Variants in TSC2 observed in about 807,000 individuals in gnomAD.
The protein encoded by TSC2 is tuberin.
A neutral mutation model predicts 202.2 loss-of-function variants in TSC2; 29 were observed. The ratio of observed to expected loss-of-function variants is 0.14; its 90% CI spans 0.11 to 0.20. The LOEUF is 0.20. TSC2 is among the 10% of genes least tolerant of loss of function. TSC2 has a pLI of 1.00. For missense variants in TSC2, 2,429 were observed against 2,420.0 expected (o/e 1.00, Z -0.08); for synonymous variants, 1,349 against 1,044.0 (o/e 1.29, Z -5.63).
chr16:2,049,164 C>T (rs573023882), intron 2 of TSC2, among the ~76,000 whole-genome samples: 147 of 152,208 alleles, frequency 9.7e-4, no homozygotes, highest in African/African-American at 3.5e-3. Context: ...CTGCTCGCTG[C>T]TACCTCTGCC....
In TSC2 at chr16:2,072,832, C is replaced by T; in HGVS notation, c.2221-17C>T. 6.2e-7 allele frequency: 1 copy of T among 1,613,462 alleles called. No homozygotes were observed. The highest frequency in any genetic ancestry group is 8.5e-7 in the Non-Finnish European group (1 of 1,180,030). ...TGGCCGCTGGGGAGAGGTTTCATGC[C>T]TGGATTTGGTCATCAGCTTTCAGGC... On this transcript the variant is annotated splice_polypyrimidine_tract_variant and intron_variant, in intron 20 of 41. Transcript: ENST00000219476.
At chr16:2,069,874 A>C (rs2087993187) in intron 16 of TSC2, among the ~76,000 whole-genome samples, 1 of 151,038 alleles carries the variant, frequency 6.6e-6, no homozygotes, top group Non-Finnish European at 1.5e-5. Context: ...CAGCCTCCCA[A>C]AGTGCTGGGA....
At chr16:2,070,308 G>A in intron 16 of TSC2, 148 bp from the exon 17 acceptor site, 1 of 1,368,902 alleles carries the variant, frequency 7.3e-7, no homozygotes, top group Admixed American at 1.9e-5. Flanking sequence ...TGGAGAGAGA[G>A]TCCTGGTGGT....
intron 23 of TSC2, 22 bp from the exon 24 acceptor site, chr16:2,076,046 G>A: frequency 5.6e-6 from 9 of 1,613,872 alleles, no homozygotes; most frequent in Non-Finnish European, 7.6e-6. Context: ...AGGATGGAGT[G>A]CCAGCCCCCT....
rs750309571 is a variant in TSC2 at position 2,065,548 on chromosome 16, G to A, written c.1629G>A (p.Pro543=). The stretch of plus-strand genomic sequence containing the variant: ...TGGCCCGCTCCCTCTCCCCACCCCC[G>A]GAGCTGGAAGAAAGGGATGTGGCCG... ...KVMARSLSPP[P]ELEERDVAAY... is the part of the protein sequence containing the mutation. Residue 543 remains proline (P), a synonymous_variant, in exon 16 of 42, where the codon CCG becomes CCA. Coordinates refer to ENST00000219476, the MANE Select transcript of TSC2 (RefSeq NM_000548.5). 9.3e-6 allele frequency: 15 copies of A among 1,613,410 alleles called. No homozygotes were observed. The highest frequency in any genetic ancestry group is 5.5e-5 in the South Asian group (5 of 91,080).
At position 2,079,339 on chromosome 16, in the gene TSC2, G is replaced by T; in HGVS notation, c.3195G>T (p.Lys1065Asn). The change falls in exon 28 of 42, where the codon AAG becomes AAT. Residue 1065 changes from lysine to asparagine, a missense_variant. Physicochemically the swap from Lys to Asn is moderately conservative, Grantham distance 94 (BLOSUM62 0). Transcript: ENST00000219476. This position sits in a 1 kb window ranked among gnomAD's most constrained non-coding sequence, Gnocchi z 4.6. ...CCAAAACCTGGCTGGTTGGGAACAA[G>T]CTTGTCACTGTGACGACAAGCGTGG... ...GRTKTWLVGN[K>N]LVTVTTSVGT... 1 of 1,613,020 alleles carries T rather than the reference G, an allele frequency of 6.2e-7. No homozygotes were observed.
At position 2,079,646 on chromosome 16, in the gene TSC2, G is replaced by T; in HGVS notation, c.3374G>T (p.Arg1125Leu). The T allele has an allele frequency of 6.2e-7, 1 of 1,603,366 alleles. No individual in the cohort carries two copies. The highest frequency in any genetic ancestry group is 2.2e-5 in the East Asian group (1 of 44,506). ...QAGQQVSRGA[R>L]DRVRSMSGGH... ...GGGCAGCAGGTGTCCCGTGGGGCCC[G>T]GGATCGGGTCCGTTCCATGTCGGGT... The change falls in exon 29 of 42, where the codon CGG (arginine) becomes CTG (leucine). Residue 1125 changes from arginine to leucine, a missense_variant. Transcript: ENST00000219476. This position sits in a 1 kb window ranked among gnomAD's most constrained non-coding sequence, Gnocchi z 4.6.
intron 31 of TSC2, 78 bp from the exon 32 acceptor site, chr16:2,082,358 C>CG (rs2090246704): frequency 6.5e-7 from 1 of 1,533,584 alleles, no homozygotes; most frequent in African/African-American, 1.4e-5. Flanking sequence ...TCTGCAGGCA[C>CG]GGGGCCTGTG....
At chr16:2,084,014 G>C (rs575316301) in intron 33 of TSC2, among the ~76,000 whole-genome samples, 198 bp downstream of exon 33, 166 of 152,348 alleles carry the variant, frequency 1.1e-3, no homozygotes, top group Non-Finnish European at 1.8e-3. Context: ...GCAGCCTGTG[G>C]TCTCAGGGGA....
rs45517235 is a variant in TSC2 at position 2,074,259 on chromosome 16, C to T, written c.2415C>T (p.Val805=). ...TCCACCGCTGTGCCAGCCAGTGCGT[C>T]GTGGCCTTGTCCATCTGCAGCGTGG... ...GLIHRCASQC[V]VALSICSVEM... is the part of the protein sequence containing the mutation. The change falls in exon 22 of 42, where the codon GTC becomes GTT. Residue 805 remains valine (V), a synonymous_variant. Coordinates refer to ENST00000219476, the MANE Select transcript of TSC2 (RefSeq NM_000548.5). The T allele has an allele frequency of 1.5e-5, 25 of 1,612,946 alleles. No homozygotes were observed. Among genetic ancestry groups the T allele is most frequent in the African/African-American group, 2.7e-5 (2 of 75,052 alleles).
At chr16:2,055,240 C>T (rs2085625943) in intron 5 of TSC2, 162 bp from the exon 6 acceptor site, 6 of 709,466 alleles carry the variant, frequency 8.5e-6, no homozygotes, top group South Asian at 1.5e-5. Context: ...CTCCCCTGAG[C>T]CTCTTCGGGC....
At chr16:2,061,530 CCTT>C in intron 11 of TSC2, 1 of 414,010 alleles carries the variant, frequency 2.4e-6, no homozygotes, top group Non-Finnish European at 4.6e-6. Context: ...GCCCGAGCTT[CCTT>C]CTTGGCCCAG....
chr16:2,085,502 C>T (rs1431554222), intron 36 of TSC2, among the ~76,000 whole-genome samples, 180 bp downstream of exon 36: 4 of 152,164 alleles, frequency 2.6e-5, no homozygotes, highest in Admixed American at 6.5e-5. Context: ...GACCCCGGTG[C>T]GAGTGACAGG....
chr16:2,066,651 CTTTTTTTTT>C (rs34619573), intron 16 of TSC2, among the ~76,000 whole-genome samples: 1 of 98,458 alleles, frequency 1.0e-5, no homozygotes, highest in Non-Finnish European at 1.9e-5. Flanking sequence ...TCTGATTTAT[CTTTTTTTTT>C]TTTTTTTTTT....
chr16:2,084,178 G>T (rs2090472409), intron 33 of TSC2, 50 bp from the exon 34 acceptor site: 3 of 1,551,054 alleles, frequency 1.9e-6, no homozygotes, highest in Non-Finnish European at 2.6e-6. Flanking sequence ...CCCCAGGTGG[G>T]CTCGAGGGTG....
rs1406190529 is a variant in TSC2 at position 2,050,500 on chromosome 16, G to T, written c.225+14G>T. 1 of 1,609,158 alleles carries T rather than the reference G, an allele frequency of 6.2e-7. No homozygotes were observed. Among genetic ancestry groups the T allele is most frequent in the South Asian group, 1.1e-5 (1 of 90,984 alleles). On this transcript the variant is annotated intron_variant, in intron 3 of 41. Transcript: ENST00000219476. ...AAATTTGAAGAGGTAGGTTTATCCA[G>T]TTGAGCTACTAGAGAGAGGCACGTA...
chr16:2,080,143 A>C, intron 29 of TSC2, 22 bp from the exon 30 acceptor site: 1 of 1,612,654 alleles, frequency 6.2e-7, no homozygotes, highest in Non-Finnish European at 8.5e-7. Context: ...GGTGGTCACC[A>C]GTCCTCTGCC....
chr16:2,063,438 G>T, intron 14 of TSC2: 2 of 363,880 alleles, frequency 5.5e-6, no homozygotes. Context: ...CGCCAGCCCT[G>T]CCTGGTCTCT....
At position 2,070,434 on chromosome 16, in the gene TSC2, G is replaced by T. The variant is rs757984721; in HGVS notation, c.1717-22G>T. On this transcript the variant is annotated intron_variant, in intron 16 of 41. Coordinates refer to ENST00000219476, the MANE Select transcript of TSC2 (RefSeq NM_000548.5). ...GCGTTTTCACCTCCTGCGCCGTGGT[G>T]AGCTGCGTCCTCTCTCTGCAGACCA... 3.7e-6 allele frequency: 6 copies of T among 1,613,160 alleles called. No individual in the cohort carries two copies. The Admixed American group carries it at 8.3e-5, about 22-fold the overall frequency.
Sources: gnomAD v4.1 joint callset for allele counts (sites outside exome capture counted in the v4.1 genomes callset) on GRCh38, gnomAD v4.1.1 for gene constraint, Gnocchi (gnomAD v3.1) non-coding constraint, MANE v1.5 for transcripts, NCBI Gene and HGNC (gene_info 2026-07-23, HGNC 2026-07-21) for gene names.